The following CUX2 variants were observed in gnomAD, a reference collection of about 807,000 sequenced individuals.
The protein encoded by CUX2 is homeobox protein cut-like 2.
In CUX2, 40 loss-of-function variants were observed where a neutral mutation model predicts 144.8. The observed-to-expected ratio is 0.28, with a 90% confidence interval of 0.21 to 0.36. The LOEUF is 0.36. Among genes scored for constraint, CUX2 ranks in the 10% least tolerant of loss-of-function variants. The pLI is 1.00. For synonymous variants in CUX2, 827 were observed against 875.6 expected, an observed-to-expected ratio of 0.94 and a Z score of 0.98; for missense variants, 1,615 against 1,994.0, an observed-to-expected ratio of 0.81 and a Z score of 3.62.
rs1888263738 is a variant in CUX2 at position 111,334,610 on chromosome 12, G to A, written c.3096G>A (p.Gln1032=). 3 of 1,613,964 alleles carry A rather than the reference G, an allele frequency of 1.9e-6. No homozygotes were observed. Among genetic ancestry groups the A allele is most frequent in the South Asian group, 1.1e-5 (1 of 91,092 alleles). The change falls in exon 19 of 22, where the codon CAG becomes CAA. Residue 1032 remains glutamine, a synonymous_variant. Transcript: ENST00000261726. ...GCGGGAAGATGTACTCAGGCAGCCA[G>A]GCCCCAGGGGGCATCCAGGAGATCG... ...SLSGKMYSGS[Q]APGGIQEIVA...
rs1461351141 is a variant in CUX2, at chr12:111,034,257, C to T, written c.63+17C>T. On this transcript the variant is annotated intron_variant, in intron 1 of 21. Coordinates refer to ENST00000261726, the MANE Select transcript of CUX2 (RefSeq NM_015267.4). This position sits in a 1 kb window ranked among gnomAD's most constrained non-coding sequence, Gnocchi z 4.2. Reference sequence around the variant, plus strand: ...CGACTCCAGGTTAGTGCGGGCAGCGCCGGCCGCGCGGCCGTGAGGAGCCCC... The same window carrying T: ...CGACTCCAGGTTAGTGCGGGCAGCGTCGGCCGCGCGGCCGTGAGGAGCCCC... 1.5e-6 allele frequency: 2 copies of T among 1,342,160 alleles called. No individual in the cohort carries two copies. The highest frequency in any genetic ancestry group is 3.1e-5 in the African/African-American group (2 of 63,910). 83.1% of individuals were successfully genotyped at this position (1,342,160 alleles called of 1,614,324 possible). A position where few individuals can be genotyped will look rare whatever the true frequency, so the allele number is the denominator to read the frequency against.
chr12:111,334,572 A>G lies in CUX2; in HGVS notation c.3058A>G (p.Ser1020Gly). Residue 1020 changes from serine to glycine, a missense_variant, in exon 19 of 22, where the codon AGC (serine) becomes GGC (glycine). Transcript: ENST00000261726. ...GAACCAGCAGCCAGAGGGCCGCTCC[A>G]GCTCCTCGTTGAGCGGGAAGATGTA... Reference protein sequence around the residue: ...KENQQPEGRSSSSLSGKMYSG... With the variant: ...KENQQPEGRSGSSLSGKMYSG... The G allele has an allele frequency of 6.2e-7, 1 of 1,613,764 alleles. No individual in the cohort carries two copies. The highest frequency in any genetic ancestry group is 1.6e-4 in the Middle Eastern group (1 of 6,062).
chr12:111,168,626 G>A (rs544506379), intron 1 of CUX2, among the ~76,000 whole-genome samples: 4 of 152,284 alleles, frequency 2.6e-5, no homozygotes, highest in South Asian at 2.1e-4. Flanking sequence ...GGGGAGAGTC[G>A]CATTGTGTTA....
chr12:111,218,282 A>G (rs1764064040), intron 3 of CUX2, among the ~76,000 whole-genome samples: 1 of 152,082 alleles, frequency 6.6e-6, no homozygotes, highest in Admixed American at 6.5e-5. Context: ...GGGAGGCTGA[A>G]GTGGGAGGAT....
At chr12:111,078,869 G>T (rs137999928) in intron 1 of CUX2, among the ~76,000 whole-genome samples, 1 of 152,080 alleles carries the variant, frequency 6.6e-6, no homozygotes, top group Non-Finnish European at 1.5e-5. Context: ...TGGGGGAAGC[G>T]GATGGGTTCG....
At chr12:111,074,021 T>A (rs913396588) in intron 1 of CUX2, among the ~76,000 whole-genome samples, 4 of 151,518 alleles carry the variant, frequency 2.6e-5, no homozygotes, top group Non-Finnish European at 5.9e-5. Flanking sequence ...TCCCATGCAA[T>A]GTTTGGGATA....
At chr12:111,170,919 G>A (rs111884672) in intron 1 of CUX2, among the ~76,000 whole-genome samples, 4 of 152,206 alleles carry the variant, frequency 2.6e-5, no homozygotes, top group South Asian at 2.1e-4. Context: ...CCTGGGAAGC[G>A]GGAGAGATTA....
chr12:111,252,890 C>A (rs1883630369), intron 3 of CUX2, among the ~76,000 whole-genome samples: 1 of 151,498 alleles, frequency 6.6e-6, no homozygotes, highest in Non-Finnish European at 1.5e-5. Context: ...AGGGAGACCC[C>A]CATCTCTAAA....
chr12:111,097,099 C>T (rs1872863764), intron 1 of CUX2, among the ~76,000 whole-genome samples: 1 of 152,200 alleles, frequency 6.6e-6, no homozygotes, highest in Admixed American at 6.5e-5. Flanking sequence ...ACACATCGGA[C>T]AGAGCCCAGC....
In CUX2 at chr12:111,061,723, C is replaced by A. The variant is rs1870781643; in HGVS notation, c.63+27483C>A. On this transcript the variant is annotated intron_variant, in intron 1 of 21. Transcript: ENST00000261726. This position sits in a 1 kb window ranked among gnomAD's most constrained non-coding sequence, Gnocchi z 4.2. Reference sequence around the variant, plus strand: ...TGTGAAGTGAGTGGGTCACTCTCCCCTCAGCCTGGCCCTGGCCCTGGGTAT... The same window carrying A: ...TGTGAAGTGAGTGGGTCACTCTCCCATCAGCCTGGCCCTGGCCCTGGGTAT... Among the ~76,000 whole-genome samples the A allele has an allele frequency of 6.6e-6, 1 of 152,198 alleles. No individual in the cohort carries two copies. The highest frequency in any genetic ancestry group is 6.5e-5 in the Admixed American group (1 of 15,290).
rs576189565 is a variant in CUX2, at chr12:111,270,478, G to A, written c.301+6639G>A. 2.0e-5 allele frequency: 3 copies of A among 152,200 alleles called. No individual in the cohort carries two copies. In the South Asian group the frequency reaches 6.2e-4, roughly 32 times the overall value. 9.4% of individuals were successfully genotyped at this position (152,200 alleles called of 1,614,324 possible). On this transcript the variant is annotated intron_variant, in intron 4 of 21. Coordinates refer to ENST00000261726, the MANE Select transcript of CUX2 (RefSeq NM_015267.4). ...AGTGAGAAAAAAAAAGCAGTAAAACGTGTTAAAAGCATAATTAATGTCATT... is the reference window on the plus strand; with the variant it reads ...AGTGAGAAAAAAAAAGCAGTAAAACATGTTAAAAGCATAATTAATGTCATT...
At chr12:111,280,464 C>A (rs1433522976) in intron 4 of CUX2, among the ~76,000 whole-genome samples, 1 of 152,146 alleles carries the variant, frequency 6.6e-6, no homozygotes, top group Non-Finnish European at 1.5e-5. Context: ...CCTACTGACA[C>A]CTGGATTTTG....
At position 111,334,470 on chromosome 12, in the gene CUX2, T is replaced by TCCCCCCC; in HGVS notation, c.2960_2961insCCCCCCC (p.Ser990ThrfsTer8). 2 of 1,606,954 alleles carry TCCCCCCC rather than the reference T, an allele frequency of 1.2e-6. No homozygotes were observed. The highest frequency in any genetic ancestry group is 1.7e-5 in the Admixed American group (1 of 58,828). The stretch of plus-strand genomic sequence containing the variant: ...TCCCACAGAACCAAGGTCCTCACCA[T>TCCCCCCC]CCCCACCCCCCAGCCCCACAGAGCC... On this transcript the variant is annotated frameshift_variant, in exon 19 of 22. Coordinates refer to ENST00000261726, the MANE Select transcript of CUX2 (RefSeq NM_015267.4). LOFTEE classifies it high-confidence loss of function.
At chr12:111,303,394 G>A (rs1886404678) in intron 9 of CUX2, among the ~76,000 whole-genome samples, 1 of 152,006 alleles carries the variant, frequency 6.6e-6, no homozygotes, top group Non-Finnish European at 1.5e-5. Flanking sequence ...CCAGCACTTT[G>A]GGAGGCTGAA....
intron 4 of CUX2, among the ~76,000 whole-genome samples, chr12:111,283,463 G>A (rs1053237606): frequency 3.9e-5 from 6 of 152,122 alleles, no homozygotes; most frequent in Admixed American, 2.0e-4. Context: ...CAGCTGCCAC[G>A]AGTCATAATA....
intron 16 of CUX2, among the ~76,000 whole-genome samples, chr12:111,315,535 A>C (rs1002979569): frequency 2.0e-5 from 3 of 152,196 alleles, no homozygotes. Flanking sequence ...CCTGGACCAC[A>C]TGGCAAAACC....
Position 111,214,229 on chromosome 12 carries a change from G to A in CUX2, c.93G>A (p.Leu31=). The change falls in exon 2 of 22, where the codon CTG becomes CTA. Residue 31 remains leucine (L), a synonymous_variant. Transcript: ENST00000261726. ...QKELNSVASE[L]SARQEESEHS... is the part of the protein sequence containing the mutation. Reference sequence around the variant, plus strand: ...AGCTTAATTCCGTCGCTTCTGAGCTGTCTGCACGGCAGGAGGAGAGTGAAC... The same window carrying A: ...AGCTTAATTCCGTCGCTTCTGAGCTATCTGCACGGCAGGAGGAGAGTGAAC... The A allele has an allele frequency of 6.3e-7, 1 of 1,586,748 alleles. No homozygotes were observed. The highest frequency in any genetic ancestry group is 8.5e-7 in the Non-Finnish European group (1 of 1,169,906).
intron 21 of CUX2, among the ~76,000 whole-genome samples, chr12:111,342,762 C>T (rs1223628052): frequency 6.6e-6 from 1 of 152,068 alleles, no homozygotes; most frequent in Non-Finnish European, 1.5e-5. Context: ...AGTTCAAGAT[C>T]AGCCTGGGAA....
chr12:111,197,689 T>C (rs185025871), intron 1 of CUX2, among the ~76,000 whole-genome samples: 1 of 152,340 alleles, frequency 6.6e-6, no homozygotes, highest in East Asian at 1.9e-4. Context: ...TTCATCCAGC[T>C]GGAGCGTGGC....
Sources: gnomAD v4.1 joint callset for allele counts (sites outside exome capture counted in the v4.1 genomes callset) on GRCh38, gnomAD v4.1.1 for gene constraint, Gnocchi (gnomAD v3.1) non-coding constraint, MANE v1.5 for transcripts, NCBI Gene and HGNC (gene_info 2026-07-23, HGNC 2026-07-21) for gene names.